MYH7: variants seen among roughly 807,000 people sequenced by gnomAD.
MYH7 encodes myosin heavy chain 7.
A neutral mutation model predicts 225.4 loss-of-function variants in MYH7; 129 were observed. That is an observed-to-expected ratio of 0.57 (90% CI 0.50 to 0.66). The LOEUF is 0.66. MYH7 is among the 30% of genes least tolerant of loss of function. MYH7 has a pLI of 0.00. For synonymous variants in MYH7, 971 were observed against 1,007.6 expected (o/e 0.96, Z 0.69); for missense variants, 1,649 against 2,517.0 (o/e 0.66, Z 7.38).
intron 27 of MYH7, 75 bp downstream of exon 27, chr14:23,419,770 G>A (rs770911925): frequency 1.9e-6 from 3 of 1,613,816 alleles, no homozygotes; most frequent in Admixed American, 3.3e-5. Flanking sequence ...GAACCATGAA[G>A]GAAGAGACAC....
intron 22 of MYH7, 83 bp from the exon 23 acceptor site, chr14:23,424,232 T>C: frequency 6.4e-7 from 1 of 1,567,352 alleles, no homozygotes; most frequent in Non-Finnish European, 8.7e-7. Flanking sequence ...GGCACATCAC[T>C]CAAATAGGAG....
chr14:23,416,395 C>T (rs527491211), intron 33 of MYH7, 83 bp from the exon 34 acceptor site: 20 of 1,446,066 alleles, frequency 1.4e-5, no homozygotes, highest in African/African-American at 1.3e-4. Flanking sequence ...ATCATGGATA[C>T]GAAGTGACTT....
chr14:23,427,746 T>G lies in MYH7; in HGVS notation c.1727A>C (p.His576Pro). 1.2e-6 allele frequency: 2 copies of G among 1,614,108 alleles called. No individual in the cohort carries two copies. Among genetic ancestry groups the G allele is most frequent in the Non-Finnish European group, 8.5e-7 (1 of 1,180,030 alleles). The change falls in exon 16 of 40, where the codon CAC (histidine) becomes CCC (proline). Residue 576 changes from histidine (H) to proline (P), a missense_variant. Physicochemically the swap from His to Pro is moderately conservative, Grantham distance 77 (BLOSUM62 -2). This residue lies in a region of MYH7 where 112 missense variants were observed against 161.9 expected (regional missense o/e 0.69). Coordinates refer to ENST00000355349, the MANE Select transcript of MYH7 (RefSeq NM_000257.4). ...GCCGGCATAGTGGATCAGGGAGAAG[T>G]GGGCTTCAGGCTTCCCCTTGATATT... Reference protein sequence around the residue: ...PRNIKGKPEAHFSLIHYAGIV... With the variant: ...PRNIKGKPEAPFSLIHYAGIV...
Position 23,422,096 on chromosome 14 carries a change from T to G in MYH7, c.3245+84A>C, listed in dbSNP as rs1386895317. The G allele has an allele frequency of 1.5e-5, 24 of 1,595,722 alleles. No homozygotes were observed. In the Admixed American group the frequency reaches 4.0e-4, roughly 27 times the overall value. The stretch of plus-strand genomic sequence containing the variant: ...ACTTGTGGAGGCTGCGTGAGGTTGT[T>G]GCCTCAGAGGATGGCTGTCTTGGGT... On this transcript the variant is annotated intron_variant, in intron 25 of 39. Coordinates refer to ENST00000355349, the MANE Select transcript of MYH7 (RefSeq NM_000257.4).
In MYH7 at chr14:23,415,618, G is replaced by A. The variant is rs368039414; in HGVS notation, c.5157+11C>T. ...GTGCTCCCTTCAGGAATGAGCAGGG[G>A]AGCTGCTCACCTGGGAATGCAGCAG... On this transcript the variant is annotated intron_variant, in intron 35 of 39. Transcript: ENST00000355349. The surrounding 1 kb of genome is among the most constrained non-coding windows in gnomAD (Gnocchi z 6.3). The A allele has an allele frequency of 3.7e-6, 6 of 1,613,482 alleles. No homozygotes were observed. The African/African-American group carries it at 8.0e-5, about 22-fold the overall frequency.
At position 23,419,525 on chromosome 14, in the gene MYH7, T is replaced by A; in HGVS notation, c.3811A>T (p.Asn1271Tyr). ...SKAEETQRSV[N>Y]DLTSQRAKLQ... is the part of the protein sequence containing the mutation. ...TTGGCCCGCTGGCTGGTGAGGTCGT[T>A]GACAGAACGCTGGGTCTCCTCCGCC... is the stretch of plus-strand genomic sequence containing the variant. Residue 1271 changes from asparagine to tyrosine, a missense_variant, in exon 28 of 40, where the codon AAC (asparagine) becomes TAC (tyrosine). Physicochemically the swap from Asn to Tyr is moderately radical, Grantham distance 143. Transcript: ENST00000355349. 2 of 1,614,134 alleles carry A rather than the reference T, an allele frequency of 1.2e-6. No individual in the cohort carries two copies. Among genetic ancestry groups the A allele is most frequent in the Non-Finnish European group, 1.7e-6 (2 of 1,180,020 alleles).
intron 30 of MYH7, chr14:23,417,980 A>T: frequency 2.2e-6 from 2 of 896,050 alleles, no homozygotes; most frequent in Non-Finnish European, 3.8e-6. Flanking sequence ...CCCCAGACGG[A>T]AGCACTCTGC....
rs1232937902 is a variant in MYH7 at position 23,420,118 on chromosome 14, T to C, written c.3453A>G (p.Glu1151=). The C allele has an allele frequency of 6.2e-7, 1 of 1,605,354 alleles. No homozygotes were observed. Among genetic ancestry groups the C allele is most frequent in the African/African-American group, 1.3e-5 (1 of 74,526 alleles). Residue 1151 remains glutamate, a synonymous_variant, in exon 27 of 40, where the codon GAA becomes GAG. Coordinates refer to ENST00000355349, the MANE Select transcript of MYH7 (RefSeq NM_000257.4). ...GCACGGACGTGGCCCCGCCGGCCTC[T>C]TCCAGCCGCTCGCTGATCTCCTCCA... The part of the protein sequence containing the change: ...RELEEISERL[E]EAGGATSVQI...
intron 37 of MYH7, 150 bp from the exon 38 acceptor site, chr14:23,414,252 C>A: frequency 1.5e-6 from 1 of 686,278 alleles, no homozygotes; most frequent in Non-Finnish European, 2.5e-6. Flanking sequence ...AATTTCTTAC[C>A]AAATATGTGT....
intron 15 of MYH7, 92 bp from the exon 16 acceptor site, chr14:23,427,986 C>G: frequency 6.6e-7 from 1 of 1,515,958 alleles, no homozygotes; most frequent in Non-Finnish European, 9.1e-7. Flanking sequence ...CGTGGAGGTG[C>G]CATGTTGGGT....
In MYH7 at chr14:23,422,327, T is replaced by G. The variant is rs759013925; in HGVS notation, c.3100-2A>C. On this transcript the variant is annotated splice_acceptor_variant, in intron 24 of 39. Transcript: ENST00000355349. LOFTEE classifies it high-confidence loss of function. ...CTCTTGCTCCAGGGATCCTTCCAGC[T>G]GGTAGAGAGAAGGAGCCAGGCCCAG... 18 of 1,614,060 alleles carry G rather than the reference T, an allele frequency of 1.1e-5. No individual in the cohort carries two copies. The highest frequency in any genetic ancestry group is 1.5e-5 in the Non-Finnish European group (18 of 1,180,040).
intron 17 of MYH7, 49 bp from the exon 18 acceptor site, chr14:23,426,913 G>T (rs1394806088): frequency 1.3e-6 from 2 of 1,486,588 alleles, no homozygotes; most frequent in Non-Finnish European, 1.9e-6. Context: ...GCCAGAAAGA[G>T]ATGCAGGAAG....
At position 23,433,747 on chromosome 14, in the gene MYH7, T is replaced by A. The variant is rs747105566; in HGVS notation, c.-8-7A>T. 1.2e-6 allele frequency: 2 copies of A among 1,613,274 alleles called. No individual in the cohort carries two copies. The highest frequency in any genetic ancestry group is 1.7e-5 in the Admixed American group (1 of 60,018). On this transcript the variant is annotated splice_region_variant and splice_polypyrimidine_tract_variant and intron_variant, in intron 2 of 39. Transcript: ENST00000355349. The surrounding 1 kb of genome is among the most constrained non-coding windows in gnomAD (Gnocchi z 4.1). ...GAATCTCCCATGGCTGTGCCTGGAG[T>A]GAGCAGAAGCTGGCTGCCCTCCCAT... is the stretch of plus-strand genomic sequence containing the variant.
Position 23,433,155 on chromosome 14 carries a change from T to C in MYH7, c.274A>G (p.Met92Val), listed in dbSNP as rs1222065426. The change falls in exon 4 of 40, where the codon ATG (methionine) becomes GTG (valine). Residue 92 changes from methionine to valine, a missense_variant. Physicochemically the swap from Met to Val is conservative, Grantham distance 21. Around this residue, in one of 12 missense-constraint regions of MYH7, gnomAD observed 77 missense variants for 144.0 expected, o/e 0.53. Coordinates refer to ENST00000355349, the MANE Select transcript of MYH7 (RefSeq NM_000257.4). This position sits in a 1 kb window ranked among gnomAD's most constrained non-coding sequence, Gnocchi z 4.1. ...GCGGGCTCATGCAGGAAGGTCAGCA[T>C]GGCCATGTCCTCGATTTTGTCGAAC... ...PKFDKIEDMA[M>V]LTFLHEPAVL... 11 of 1,614,160 alleles carry C rather than the reference T, an allele frequency of 6.8e-6. No homozygotes were observed. The highest frequency in any genetic ancestry group is 9.3e-6 in the Non-Finnish European group (11 of 1,180,034).
chr14:23,430,773 C>T (rs1004303902), intron 10 of MYH7, 110 bp from the exon 11 acceptor site: 3 of 1,272,296 alleles, frequency 2.4e-6, no homozygotes, highest in Non-Finnish European at 3.5e-6. Context: ...TTGGCTTGGC[C>T]CCACATCCCA....
In MYH7 at chr14:23,427,568, C is replaced by A. The variant is rs1215862823; in HGVS notation, c.1888+17G>T. ...AATCCCTGCTCCTCTGTACCGGGAG[C>A]CTCAGTCCCTACTTACGCGCATCAG... On this transcript the variant is annotated intron_variant, in intron 16 of 39. Transcript: ENST00000355349. The A allele has an allele frequency of 2.5e-6, 4 of 1,613,470 alleles. No homozygotes were observed. The highest frequency in any genetic ancestry group is 3.4e-6 in the Non-Finnish European group (4 of 1,179,876).
rs112287277 is a variant in MYH7 at position 23,421,051 on chromosome 14, G to C, written c.3246-3C>G. The stretch of plus-strand genomic sequence containing the variant: ...GAGCATTCAGCTCAAAGTCTTTTCT[G>C]TGGGGAAGGAGGGATGGTGAGGTAA... On this transcript the variant is annotated splice_polypyrimidine_tract_variant and splice_region_variant and intron_variant, in intron 25 of 39. Coordinates refer to ENST00000355349, the MANE Select transcript of MYH7 (RefSeq NM_000257.4). 6.2e-7 allele frequency: 1 copy of C among 1,613,010 alleles called. No homozygotes were observed. Among genetic ancestry groups the C allele is most frequent in the Admixed American group, 1.7e-5 (1 of 60,008 alleles).
intron 9 of MYH7, 135 bp downstream of exon 9, chr14:23,431,283 G>T: frequency 2.2e-6 from 2 of 918,736 alleles, no homozygotes; most frequent in Non-Finnish European, 1.8e-6. Flanking sequence ...TAGACCTGAA[G>T]ACAGAGACAC....
chr14:23,422,146 G>A, intron 25 of MYH7, 34 bp downstream of exon 25: 1 of 1,611,984 alleles, frequency 6.2e-7, no homozygotes, highest in Non-Finnish European at 8.5e-7. Context: ...ATGGGCTGGG[G>A]AGGAGGAAGG....
Sources: gnomAD v4.1 joint callset for allele counts on GRCh38, gnomAD v4.1.1 for gene constraint, gnomAD v4.1.1 regional missense constraint, Gnocchi (gnomAD v3.1) non-coding constraint, MANE v1.5 for transcripts, NCBI Gene and HGNC (gene_info 2026-07-23, HGNC 2026-07-21) for gene names.